Variants in TMEM68 observed in about 807,000 individuals in gnomAD.
TMEM68 encodes transmembrane protein 68.
A neutral mutation model predicts 36.9 loss-of-function variants in TMEM68; 25 were observed. The ratio of observed to expected loss-of-function variants is 0.68; its 90% CI spans 0.49 to 0.95. The LOEUF (loss-of-function observed/expected upper bound fraction) is 0.95, where lower values mean the gene tolerates loss of function less well. TMEM68 is among the 40% of genes least tolerant of loss of function. The probability of loss-of-function intolerance (pLI) is 0.00; values close to 1 mark genes in which losing one functional copy is unlikely to be tolerated. For synonymous variants in TMEM68, 131 were observed against 124.4 expected (o/e 1.05, Z -0.35); for missense variants, 333 against 392.0 (o/e 0.85, Z 1.27).
intron 3 of TMEM68, among the ~76,000 whole-genome samples, chr8:55,760,165 G>T (rs186350972): frequency 2.6e-5 from 4 of 152,388 alleles, no homozygotes; most frequent in African/African-American, 7.2e-5. Context: ...ACGCTGTGCT[G>T]TTGGCAGTTA....
intron 4 of TMEM68, among the ~76,000 whole-genome samples, chr8:55,754,691 A>ATATAAAATACATACTTATATATATAT (rs1371815181): frequency 7.7e-6 from 1 of 129,754 alleles, no homozygotes; most frequent in Non-Finnish European, 1.5e-5. Context: ...TATATATTAT[A>ATATAAAATACATACTTATATATATAT]TATGAAATAC....
intron 5 of TMEM68, chr8:55,747,803 A>C (rs1810327806): frequency 6.6e-6 from 1 of 152,218 alleles, no homozygotes; most frequent in South Asian, 2.1e-4. Context: ...AAATAGTTAT[A>C]AAATGTCTTT....
intron 4 of TMEM68, among the ~76,000 whole-genome samples, chr8:55,754,558 CATATT>C (rs1163228147): frequency 7.5e-6 from 1 of 132,576 alleles, no homozygotes; most frequent in African/African-American, 2.8e-5. Flanking sequence ...ATAATACATA[CATATT>C]ATATATTTAT....
At chr8:55,757,998 A>C (rs1810658580) in intron 3 of TMEM68, among the ~76,000 whole-genome samples, 1 of 152,178 alleles carries the variant, frequency 6.6e-6, no homozygotes, top group Admixed American at 6.5e-5. Context: ...GAATGAGGGC[A>C]GGGGCATGAA....
At chr8:55,759,136 T>A (rs1238092021) in intron 3 of TMEM68, among the ~76,000 whole-genome samples, 1 of 151,212 alleles carries the variant, frequency 6.6e-6, no homozygotes, top group Non-Finnish European at 1.5e-5. Context: ...GCAAAAAAAG[T>A]AGGCCAGGTG....
rs1810049497 is a variant in TMEM68, at chr8:55,739,999, G to A, written c.*133C>T. ...TGACTATTTTAAAGAAACGAATTCT[G>A]TGAAAGATGCTTATTAACATGATTT... On this transcript the variant is annotated 3_prime_UTR_variant, in exon 8 of 8. Transcript: ENST00000434581. 6.1e-6 allele frequency: 4 copies of A among 654,992 alleles called. No individual in the cohort carries two copies. The highest frequency in any genetic ancestry group is 9.8e-6 in the Non-Finnish European group (4 of 408,586). 40.6% of individuals were successfully genotyped at this position (654,992 alleles called of 1,614,324 possible). A position where few individuals can be genotyped will look rare whatever the true frequency, so the allele number is the denominator to read the frequency against.
chr8:55,744,997 G>T, intron 6 of TMEM68, 64 bp downstream of exon 6: 1 of 1,107,820 alleles, frequency 9.0e-7, no homozygotes, highest in Non-Finnish European at 1.2e-6. Context: ...TCCTTGTAGG[G>T]TTCAACAGCC....
chr8:55,770,413 G>A (rs1458089237), intron 1 of TMEM68, among the ~76,000 whole-genome samples: 2 of 152,144 alleles, frequency 1.3e-5, no homozygotes, highest in African/African-American at 2.4e-5. Context: ...GGTGGCTCAC[G>A]CCTGTGATTC....
chr8:55,745,258 A>G (rs1455712312), intron 5 of TMEM68, 137 bp from the exon 6 acceptor site: 1 of 448,440 alleles, frequency 2.2e-6, no homozygotes, highest in Non-Finnish European at 3.9e-6. Context: ...GAACATGCCC[A>G]ATCTCGTCTG....
At chr8:55,748,556 G>A (rs1434248639) in intron 5 of TMEM68, among the ~76,000 whole-genome samples, 1 of 151,708 alleles carries the variant, frequency 6.6e-6, no homozygotes, top group African/African-American at 2.4e-5. Flanking sequence ...AAGGGAGAGA[G>A]GGAGGGAGGG....
chr8:55,740,038 T>C lies in TMEM68; in HGVS notation c.*94A>G. The C allele has an allele frequency of 1.1e-6, 1 of 878,184 alleles. No individual in the cohort carries two copies. Among genetic ancestry groups the C allele is most frequent in the South Asian group, 2.0e-5 (1 of 50,728 alleles). The allele number at this position is 878,184 out of a possible 1,614,324, so 54.4% of individuals were successfully genotyped here. A position where few individuals can be genotyped will look rare whatever the true frequency, so the allele number is the denominator to read the frequency against. ...TTAACATGATTTTTTTAAAAAATAC[T>C]AATTATAGGACCTACAAAATTCAGA... is the stretch of plus-strand genomic sequence containing the variant. On this transcript the variant is annotated 3_prime_UTR_variant, in exon 8 of 8. Coordinates refer to ENST00000434581, the MANE Select transcript of TMEM68 (RefSeq NM_001286657.2).
At chr8:55,753,829 C>A (rs960205381) in intron 4 of TMEM68, among the ~76,000 whole-genome samples, 1 of 152,188 alleles carries the variant, frequency 6.6e-6, no homozygotes, top group Non-Finnish European at 1.5e-5. Context: ...CAGTGCCTCA[C>A]GCCTGCAATC....
intron 4 of TMEM68, among the ~76,000 whole-genome samples, chr8:55,753,800 AT>A (rs2129959924): frequency 6.6e-6 from 1 of 152,336 alleles, no homozygotes; most frequent in South Asian, 2.1e-4. Flanking sequence ...TTTAAAAAAA[AT>A]ATAAGGTCGG....
intron 1 of TMEM68, among the ~76,000 whole-genome samples, chr8:55,769,018 TAAAAAAAAAAA>T (rs200493179): frequency 1.8e-4 from 15 of 82,092 alleles, no homozygotes; most frequent in Admixed American, 1.3e-3. Context: ...ACTCTGTCTT[TAAAAAAAAAAA>T]AAAAAAAAAA....
At chr8:55,755,722 C>A (rs1810585429) in intron 4 of TMEM68, among the ~76,000 whole-genome samples, 1 of 151,356 alleles carries the variant, frequency 6.6e-6, no homozygotes, top group Non-Finnish European at 1.5e-5. Flanking sequence ...CAACTATGCG[C>A]TAAATCAAAA....
intron 4 of TMEM68, among the ~76,000 whole-genome samples, chr8:55,755,412 G>A (rs920742849): frequency 9.2e-5 from 14 of 151,650 alleles, no homozygotes; most frequent in Admixed American, 7.9e-4. Context: ...GCCTACAGAA[G>A]GCCTATTAGC....
intron 3 of TMEM68, among the ~76,000 whole-genome samples, chr8:55,760,574 T>TTAA (rs1266911309): frequency 6.6e-6 from 1 of 152,230 alleles, no homozygotes; most frequent in African/African-American, 2.4e-5. Context: ...AATCTGAAAA[T>TTAA]ATTAGTCTGT....
At chr8:55,767,777 A>C (rs1811017569) in intron 1 of TMEM68, among the ~76,000 whole-genome samples, 1 of 152,142 alleles carries the variant, frequency 6.6e-6, no homozygotes, top group Non-Finnish European at 1.5e-5. Context: ...GTCTCTACCA[A>C]AAATACAAAA....
chr8:55,755,403 C>A (rs540130865), intron 4 of TMEM68, among the ~76,000 whole-genome samples: 1 of 151,780 alleles, frequency 6.6e-6, no homozygotes, highest in Admixed American at 6.6e-5. Flanking sequence ...AGTAGCTGAG[C>A]CTACAGAAGG....
Sources: allele counts gnomAD v4.1 joint callset (sites outside exome capture counted in the v4.1 genomes callset), GRCh38; gene constraint gnomAD v4.1.1; transcripts MANE v1.5; gene names NCBI Gene and HGNC (gene_info 2026-07-23, HGNC 2026-07-21).